The following TMEM219 variants were observed in gnomAD, a reference collection of about 807,000 sequenced individuals.
The protein encoded by TMEM219 is insulin-like growth factor-binding protein 3 receptor.
TMEM219 carries 18 observed loss-of-function variants against 17.9 expected under a neutral mutation model. That is an observed-to-expected ratio of 1.01 (90% CI 0.70 to 1.49). The LOEUF is 1.49. Among genes scored for constraint, TMEM219 ranks in the 40% most tolerant of loss-of-function variants. TMEM219 has a pLI of 0.00. For synonymous variants in TMEM219, 113 were observed against 124.0 expected (o/e 0.91, Z 0.59); for missense variants, 288 against 292.4 (o/e 0.99, Z 0.11).
intron 4 of TMEM219, 188 bp downstream of exon 4, chr16:29,968,442 A>C: frequency 1.8e-6 from 1 of 565,660 alleles, no homozygotes; most frequent in Non-Finnish European, 3.1e-6. Flanking sequence ...TGTAAAACAG[A>C]AAACATGACC....
At chr16:29,969,175 ACCT>A (rs1258767948) in intron 4 of TMEM219, among the ~76,000 whole-genome samples, 1 of 141,796 alleles carries the variant, frequency 7.1e-6, no homozygotes, top group East Asian at 2.1e-4. Context: ...ACATAGCAAG[ACCT>A]CGTTTCTTTT....
intron 3 of TMEM219, among the ~76,000 whole-genome samples, 167 bp downstream of exon 3, chr16:29,963,756 G>A (rs1384516060): frequency 2.6e-5 from 4 of 151,622 alleles, no homozygotes; most frequent in Non-Finnish European, 5.9e-5. Context: ...GGTGGCAGGC[G>A]CCTCTAATCC....
At chr16:29,963,754 G>C (rs918312894) in intron 3 of TMEM219, among the ~76,000 whole-genome samples, 165 bp downstream of exon 3, 2 of 151,164 alleles carry the variant, frequency 1.3e-5, no homozygotes, top group Non-Finnish European at 2.9e-5. Flanking sequence ...ATGGTGGCAG[G>C]CGCCTCTAAT....
chr16:29,972,145 G>A (rs2069302293), intron 5 of TMEM219: 1 of 152,394 alleles, frequency 6.6e-6, no homozygotes. Context: ...ACAATGGTGA[G>A]TTAAGAGGGT....
rs762312811 is a variant in TMEM219 at position 29,963,263 on chromosome 16, C to T, written c.120C>T (p.Phe40=). ...TCTCTGGCCTGGGCCTTGGCAGCTT[C>T]CTCCTCACCCACAGGACTGGCCTGC... is the stretch of plus-strand genomic sequence containing the variant. ...LGLSGLGLGS[F]LLTHRTGLRS... is the part of the protein sequence containing the mutation. The change falls in exon 2 of 6, where the codon TTC becomes TTT. Residue 40 remains phenylalanine (F), a synonymous_variant. Coordinates refer to ENST00000279396, the MANE Select transcript of TMEM219 (RefSeq NM_001083613.2). The T allele has an allele frequency of 1.9e-6, 3 of 1,614,046 alleles. No individual in the cohort carries two copies. Among genetic ancestry groups the T allele is most frequent in the Admixed American group, 3.3e-5 (2 of 60,014 alleles).
At position 29,963,096 on chromosome 16, in the gene TMEM219, C is replaced by G; in HGVS notation, c.-37-11C>G. ...GGTGCTCTTGTCCCATTCTCCCTCCCTGTCTTCCAGCAGGCTCTCCCCGGA... is the reference window on the plus strand; with the variant it reads ...GGTGCTCTTGTCCCATTCTCCCTCCGTGTCTTCCAGCAGGCTCTCCCCGGA... On this transcript the variant is annotated splice_polypyrimidine_tract_variant and intron_variant, in intron 1 of 5. Transcript: ENST00000279396. 2 of 1,597,704 alleles carry G rather than the reference C, an allele frequency of 1.3e-6. No homozygotes were observed. Among genetic ancestry groups the G allele is most frequent in the Non-Finnish European group, 1.7e-6 (2 of 1,175,506 alleles).
rs375055627 is a variant in TMEM219 at position 29,963,130 on chromosome 16, C to G, written c.-14C>G. On this transcript the variant is annotated 5_prime_UTR_variant, in exon 2 of 6. Coordinates refer to ENST00000279396, the MANE Select transcript of TMEM219 (RefSeq NM_001083613.2). The stretch of plus-strand genomic sequence containing the variant: ...AGCAGGCTCTCCCCGGAGGCTCAGC[C>G]CCCTCTGCTCCCCATGGGCAACTGC... 4.3e-6 allele frequency: 7 copies of G among 1,609,456 alleles called. No individual in the cohort carries two copies. The South Asian group carries it at 7.7e-5, about 18-fold the overall frequency.
At chr16:29,965,326 G>A (rs975699764) in intron 3 of TMEM219, among the ~76,000 whole-genome samples, 2 of 152,140 alleles carry the variant, frequency 1.3e-5, no homozygotes, top group African/African-American at 2.4e-5. Context: ...GATATATGCA[G>A]ACTTGGGACA....
rs776438556 is a variant in TMEM219 at position 29,963,382 on chromosome 16, GTCT to G, written c.166-13_166-11del. On this transcript the variant is annotated splice_polypyrimidine_tract_variant and intron_variant, in intron 2 of 5. Transcript: ENST00000279396. ...TTTTGCTGCTAATCTCATCTCACCC[GTCT>G]TCTTTTGCTCACAGGACTGGGTCTC... 1 of 1,613,540 alleles carries G rather than the reference GTCT, an allele frequency of 6.2e-7. No individual in the cohort carries two copies. Among genetic ancestry groups the G allele is most frequent in the Non-Finnish European group, 8.5e-7 (1 of 1,179,618 alleles).
chr16:29,971,761 A>G (rs894261407), intron 5 of TMEM219, 183 bp downstream of exon 5: 2 of 471,852 alleles, frequency 4.2e-6, no homozygotes, highest in African/African-American at 2.0e-5. Flanking sequence ...AGCATTCAAT[A>G]TTTTTCTAAT....
intron 1 of TMEM219, chr16:29,962,539 AC>A (rs1174393018): frequency 6.6e-6 from 1 of 152,226 alleles, no homozygotes; most frequent in Non-Finnish European, 1.5e-5. Flanking sequence ...GCCTCGCCTT[AC>A]CCGGTTTTGA....
rs1219155120 is a variant in TMEM219, at chr16:29,963,420, A to G, written c.186A>G (p.Arg62=). 1.2e-6 allele frequency: 2 copies of G among 1,613,268 alleles called. No individual in the cohort carries two copies. Among genetic ancestry groups the G allele is most frequent in the African/African-American group, 1.3e-5 (1 of 74,698 alleles). The part of the protein sequence containing the change: ...DIPQDWVSFL[R]SFGQLTLCPR... ...CACAGGACTGGGTCTCTTTTTTGAGATCTTTTGGCCAGCTGACCCTGTGTC... is the reference window on the plus strand; with the variant it reads ...CACAGGACTGGGTCTCTTTTTTGAGGTCTTTTGGCCAGCTGACCCTGTGTC... The change falls in exon 3 of 6, where the codon AGA becomes AGG. Residue 62 remains arginine, a synonymous_variant. Transcript: ENST00000279396.
At chr16:29,970,014 G>A (rs1414197093) in intron 4 of TMEM219, among the ~76,000 whole-genome samples, 4 of 152,078 alleles carry the variant, frequency 2.6e-5, no homozygotes, top group East Asian at 1.9e-4. Context: ...GGCCAAGGCC[G>A]GTGGATCACT....
intron 3 of TMEM219, among the ~76,000 whole-genome samples, chr16:29,966,658 T>C (rs2069215908): frequency 6.6e-6 from 1 of 151,848 alleles, no homozygotes; most frequent in African/African-American, 2.4e-5. Flanking sequence ...CTACTAAAAA[T>C]ACAAAAAATT....
intron 3 of TMEM219, 75 bp from the exon 4 acceptor site, chr16:29,967,950 G>T: frequency 1.2e-5 from 13 of 1,107,338 alleles, no homozygotes; most frequent in East Asian, 2.4e-5. Flanking sequence ...GAAAATACAA[G>T]AAAAGAAGCG....
In TMEM219 at chr16:29,968,242, G is replaced by A; in HGVS notation, c.573G>A (p.Lys191=). Reference sequence around the variant, plus strand: ...GCCATGAAGGCCTTGTGCTGACCAAGCTGCTCACCTCGGTAAGAGCCTCAG... The same window carrying A: ...GCCATGAAGGCCTTGTGCTGACCAAACTGCTCACCTCGGTAAGAGCCTCAG... ...VWSHEGLVLT[K]LLTSEELALC... Residue 191 remains lysine, a synonymous_variant, in exon 4 of 6, where the codon AAG becomes AAA. Coordinates refer to ENST00000279396, the MANE Select transcript of TMEM219 (RefSeq NM_001083613.2). The A allele has an allele frequency of 1.9e-6, 3 of 1,613,048 alleles. No individual in the cohort carries two copies. The highest frequency in any genetic ancestry group is 2.2e-5 in the East Asian group (1 of 44,850).
In TMEM219 at chr16:29,971,592, C is replaced by T. The variant is rs770485015; in HGVS notation, c.*33+14C>T. 2.5e-6 allele frequency: 4 copies of T among 1,598,742 alleles called. No homozygotes were observed. Among genetic ancestry groups the T allele is most frequent in the Admixed American group, 1.7e-5 (1 of 59,630 alleles). ...CTTGTTTCTCAGGTGAGGTTCTTTG[C>T]TCCAGTCCTGCGGGAGCAGGGAATG... On this transcript the variant is annotated intron_variant, in intron 5 of 5. Transcript: ENST00000279396.
chr16:29,962,202 G>C (rs2069154265), intron 1 of TMEM219, 70 bp downstream of exon 1: 1 of 152,294 alleles, frequency 6.6e-6, no homozygotes, highest in Non-Finnish European at 1.5e-5. Flanking sequence ...AATCGTTCGG[G>C]GCGGGGGCTT....
chr16:29,963,506 C>G lies in TMEM219; in HGVS notation c.272C>G (p.Thr91Ser). The change falls in exon 3 of 6, where the codon ACC (threonine) becomes AGC (serine). Residue 91 changes from threonine to serine, a missense_variant. By Grantham distance (58) the Thr-to-Ser change is moderately conservative (BLOSUM62 1). Transcript: ENST00000279396. ...RGSHVVGLLT[T>S]LNFGDGPDRN... ...TCTCACGTCGTGGGCTTGCTGACCA[C>G]CTTGAACTTCGGAGACGGTCCAGAC... 6.2e-7 allele frequency: 1 copy of G among 1,614,186 alleles called. No individual in the cohort carries two copies. Among genetic ancestry groups the G allele is most frequent in the South Asian group, 1.1e-5 (1 of 91,090 alleles).
Sources: gnomAD v4.1 joint callset for allele counts (sites outside exome capture counted in the v4.1 genomes callset) on GRCh38, gnomAD v4.1.1 for gene constraint, MANE v1.5 for transcripts, NCBI Gene and HGNC (gene_info 2026-07-23, HGNC 2026-07-21) for gene names.